The following GRM8 variants were observed in gnomAD, a reference collection of about 807,000 sequenced individuals.
GRM8 encodes the protein glutamate metabotropic receptor 8, also known as metabotropic glutamate receptor 8.
In GRM8, 47 loss-of-function variants were observed where a neutral mutation model predicts 87.2. That is an observed-to-expected ratio of 0.54 (90% CI 0.43 to 0.69). GRM8 has a LOEUF of 0.69. GRM8 is among the 30% of genes least tolerant of loss of function. The probability of loss-of-function intolerance (pLI) is 0.00; values close to 1 mark genes in which losing one functional copy is unlikely to be tolerated. For missense variants in GRM8, 1,019 were observed against 1,139.2 expected (o/e 0.89, Z 1.52); for synonymous variants, 396 against 404.5 (o/e 0.98, Z 0.25).
At chr7:126,480,385 A>G (rs1353760905) in intron 9 of GRM8, among the ~76,000 whole-genome samples, 1 of 134,616 alleles carries the variant, frequency 7.4e-6, no homozygotes, top group Non-Finnish European at 1.7e-5. Flanking sequence ...TTCTGTCTCA[A>G]TAAATAAATA....
chr7:126,832,098 A>G (rs759227714), intron 6 of GRM8, among the ~76,000 whole-genome samples: 2 of 152,048 alleles, frequency 1.3e-5, no homozygotes, highest in South Asian at 2.1e-4. Context: ...GTGTGCCTCA[A>G]GCTTGGGGAC....
intron 2 of GRM8, among the ~76,000 whole-genome samples, chr7:127,225,477 A>G (rs1374700587): frequency 8.1e-6 from 1 of 124,098 alleles, no homozygotes; most frequent in African/African-American, 3.6e-5. Flanking sequence ...TGTGCAACCT[A>G]TCTGCTGGAA....
intron 2 of GRM8, among the ~76,000 whole-genome samples, chr7:127,218,041 T>C (rs911050116): frequency 2.0e-5 from 3 of 152,224 alleles, no homozygotes; most frequent in African/African-American, 4.8e-5. Flanking sequence ...GCATCTCTCA[T>C]GAGTGGGGCC....
intron 2 of GRM8, among the ~76,000 whole-genome samples, chr7:127,215,563 C>T (rs906478913): frequency 6.6e-6 from 1 of 152,196 alleles, no homozygotes; most frequent in Non-Finnish European, 1.5e-5. Flanking sequence ...CACACACTCC[C>T]AAGGCAGCCC....
At chr7:126,980,131 C>A (rs941067219) in intron 3 of GRM8, among the ~76,000 whole-genome samples, 3 of 152,200 alleles carry the variant, frequency 2.0e-5, no homozygotes, top group Admixed American at 6.5e-5. Flanking sequence ...CTTGGGCAGA[C>A]TTTATCTCCC....
At chr7:127,190,401 A>C (rs1794962574) in intron 2 of GRM8, among the ~76,000 whole-genome samples, 1 of 152,108 alleles carries the variant, frequency 6.6e-6, no homozygotes, top group Admixed American at 6.5e-5. Flanking sequence ...AAAGTTAGCC[A>C]GGTGTGGTGG....
intron 9 of GRM8, among the ~76,000 whole-genome samples, chr7:126,516,886 T>C (rs902342738): frequency 1.3e-5 from 2 of 152,224 alleles, no homozygotes; most frequent in Middle Eastern, 3.4e-3. Flanking sequence ...ACTGCAAATA[T>C]ATGAATTCTT....
At chr7:127,226,584 C>T (rs1201190589) in intron 2 of GRM8, among the ~76,000 whole-genome samples, 1 of 152,098 alleles carries the variant, frequency 6.6e-6, no homozygotes, top group Admixed American at 6.6e-5. Context: ...CTAGGACTTC[C>T]TAAGAGCAGA....
chr7:127,143,268 G>T (rs1007590352), intron 2 of GRM8, among the ~76,000 whole-genome samples: 4 of 152,082 alleles, frequency 2.6e-5, no homozygotes, highest in Non-Finnish European at 4.4e-5. Flanking sequence ...AGATGGAGAG[G>T]ATTCATTTTA....
intron 2 of GRM8, among the ~76,000 whole-genome samples, chr7:127,204,045 T>TAATAAAA (rs1795769531): frequency 6.6e-6 from 1 of 152,222 alleles, no homozygotes; most frequent in African/African-American, 2.4e-5. Context: ...TTATAGAATC[T>TAATAAAA]AACTGTGGAG....
At chr7:126,704,094 T>C (rs1437413575) in intron 7 of GRM8, among the ~76,000 whole-genome samples, 1 of 152,130 alleles carries the variant, frequency 6.6e-6, no homozygotes, top group Non-Finnish European at 1.5e-5. Context: ...TCAACTCTGA[T>C]CAGTTGTTGG....
chr7:126,709,361 C>T (rs1476847010), intron 7 of GRM8, among the ~76,000 whole-genome samples: 1 of 151,592 alleles, frequency 6.6e-6, no homozygotes, highest in Admixed American at 6.6e-5. Context: ...AGTTTCAGAC[C>T]AGCCTAGGCA....
At chr7:127,245,471 C>T (rs1269843068) in intron 1 of GRM8, among the ~76,000 whole-genome samples, 4 of 152,170 alleles carry the variant, frequency 2.6e-5, no homozygotes, top group African/African-American at 4.8e-5. Context: ...CAATTATAGA[C>T]GAACATACAA....
chr7:127,101,704 C>T (rs1825277282), intron 3 of GRM8, among the ~76,000 whole-genome samples: 3 of 152,070 alleles, frequency 2.0e-5, no homozygotes, highest in Admixed American at 2.0e-4. Flanking sequence ...CATAAATTAC[C>T]CAGTCTTGGG....
rs1371947073 is a variant in GRM8 at position 126,542,299 on chromosome 7, G to A, written c.1495-8412C>T. Among the ~76,000 whole-genome samples the A allele has an allele frequency of 4.6e-5, 7 of 152,180 alleles. No homozygotes were observed. The East Asian group carries it at 5.8e-4, about 13-fold the overall frequency. ...ATACCTCATTTGTCAGCTAATAAAC[G>A]TGGATTTTTACTAGGGACTGTACAT... is the stretch of plus-strand genomic sequence containing the variant. On this transcript the variant is annotated intron_variant, in intron 8 of 10. Transcript: ENST00000339582.
intron 2 of GRM8, among the ~76,000 whole-genome samples, chr7:127,161,341 G>A (rs890777401): frequency 2.0e-5 from 3 of 152,132 alleles, no homozygotes; most frequent in African/African-American, 7.2e-5. Context: ...CTGTGAGATA[G>A]GGAGGTCCAG....
chr7:127,125,869 G>T (rs1827341724), intron 2 of GRM8, among the ~76,000 whole-genome samples: 1 of 150,850 alleles, frequency 6.6e-6, no homozygotes, highest in African/African-American at 2.4e-5. Flanking sequence ...ACAGACATTT[G>T]AAAAAATACT....
At chr7:126,692,731 C>A (rs937093260) in intron 7 of GRM8, among the ~76,000 whole-genome samples, 1 of 152,054 alleles carries the variant, frequency 6.6e-6, no homozygotes, top group African/African-American at 2.4e-5. Context: ...GCAATTTTTT[C>A]TCTTCCCTAT....
intron 8 of GRM8, among the ~76,000 whole-genome samples, chr7:126,600,252 C>T (rs1345065225): frequency 6.6e-6 from 1 of 151,958 alleles, no homozygotes; most frequent in Non-Finnish European, 1.5e-5. Context: ...ACAGTTGACC[C>T]TTGGACAACA....
Sources: gnomAD v4.1 joint callset for allele counts (sites outside exome capture counted in the v4.1 genomes callset) on GRCh38, gnomAD v4.1.1 for gene constraint, MANE v1.5 for transcripts, NCBI Gene and HGNC (gene_info 2026-07-23, HGNC 2026-07-21) for gene names.